Variants in USP15 observed in about 807,000 individuals in gnomAD.
USP15 encodes ubiquitin carboxyl-terminal hydrolase 15.
Under a neutral mutation model 127.1 loss-of-function variants are expected in USP15, and 18 were observed. That is an observed-to-expected ratio of 0.14 (90% CI 0.10 to 0.21). The LOEUF (loss-of-function observed/expected upper bound fraction) is 0.21. USP15 is among the 10% of genes least tolerant of loss of function. The pLI, the probability that USP15 is intolerant of heterozygous loss-of-function variation, is 1.00. For synonymous variants in USP15, 364 were observed against 393.7 expected (o/e 0.92, Z 0.89); for missense variants, 805 against 1,159.9 (o/e 0.69, Z 4.44).
At chr12:62,293,383 GTCTC>G (rs937712554) in intron 1 of USP15, among the ~76,000 whole-genome samples, 1 of 152,176 alleles carries the variant, frequency 6.6e-6, no homozygotes, top group Non-Finnish European at 1.5e-5. Flanking sequence ...TTGAGACCGA[GTCTC>G]TCTCTGTCGC....
chr12:62,304,599 C>G (rs2064419066), intron 3 of USP15: 1 of 372,056 alleles, frequency 2.7e-6, no homozygotes, highest in Non-Finnish European at 5.4e-6. Context: ...TTGGTGGTTC[C>G]CCTAGCTATA....
chr12:62,352,526 A>G (rs1187472007), intron 7 of USP15, among the ~76,000 whole-genome samples: 1 of 151,952 alleles, frequency 6.6e-6, no homozygotes, highest in Non-Finnish European at 1.5e-5. Flanking sequence ...TATTGTCTCA[A>G]TTTGACATTC....
chr12:62,287,254 C>G (rs1487704845), intron 1 of USP15, among the ~76,000 whole-genome samples: 2 of 152,048 alleles, frequency 1.3e-5, no homozygotes, highest in Non-Finnish European at 2.9e-5. Context: ...CATTAGAAGC[C>G]GAAACCTCAG....
chr12:62,273,692 T>C (rs969089882), intron 1 of USP15, among the ~76,000 whole-genome samples: 3 of 152,124 alleles, frequency 2.0e-5, no homozygotes, highest in African/African-American at 7.2e-5. Flanking sequence ...TCTAGGAAAC[T>C]TCTTCAGAGA....
chr12:62,348,454 C>T (rs1030046826), intron 6 of USP15, among the ~76,000 whole-genome samples: 1 of 152,142 alleles, frequency 6.6e-6, no homozygotes, highest in Non-Finnish European at 1.5e-5. Flanking sequence ...GACTGAGTCA[C>T]TGGACTGAAG....
In USP15 at chr12:62,391,905, A is replaced by G. The variant is rs758504570; in HGVS notation, c.2304+19A>G. ...TGCTGAGGTAAGTCATCACTCACTC[A>G]CTTATTTACCTTTCCTTGATTTACT... On this transcript the variant is annotated intron_variant, in intron 17 of 21. Transcript: ENST00000280377. 10 of 1,592,282 alleles carry G rather than the reference A, an allele frequency of 6.3e-6. No homozygotes were observed. The highest frequency in any genetic ancestry group is 8.6e-6 in the Non-Finnish European group (10 of 1,165,856).
intron 3 of USP15, chr12:62,314,039 A>G (rs917243149): frequency 2.2e-6 from 2 of 896,116 alleles, no homozygotes. Context: ...TAGAAGATCG[A>G]AAGGAATTAT....
chr12:62,346,043 G>A (rs532453136), intron 6 of USP15, among the ~76,000 whole-genome samples: 12 of 152,244 alleles, frequency 7.9e-5, no homozygotes, highest in African/African-American at 1.7e-4. Context: ...ATAACCACAC[G>A]TAGTCGTTTC....
At chr12:62,313,185 C>T (rs903163188) in intron 3 of USP15, among the ~76,000 whole-genome samples, 8 of 151,474 alleles carry the variant, frequency 5.3e-5, no homozygotes, top group Non-Finnish European at 1.0e-4. Flanking sequence ...GTAGTGTGGA[C>T]TTTGAAATAT....
rs1422711286 is a variant in USP15 at position 62,355,369 on chromosome 12, C to A, written c.809C>A (p.Ala270Asp). 1 of 1,610,754 alleles carries A rather than the reference C, an allele frequency of 6.2e-7. No homozygotes were observed. ...NSNYCLPSYT[A>D]YKNYDYSEPG... The stretch of plus-strand genomic sequence containing the variant: ...AATTACTGTCTTCCATCATATACCG[C>A]TTATAAGAACTATGATTATTCGGAA... The change falls in exon 8 of 22, where the codon GCT becomes GAT. Residue 270 changes from alanine (A) to aspartate (D), a missense_variant. Transcript: ENST00000280377.
At chr12:62,295,970 A>G (rs1388745585) in intron 2 of USP15, among the ~76,000 whole-genome samples, 1 of 151,920 alleles carries the variant, frequency 6.6e-6, no homozygotes, top group Non-Finnish European at 1.5e-5. Context: ...TAATCTAATC[A>G]CACATACCCT....
At chr12:62,362,876 CAT>C (rs1011659725) in intron 8 of USP15, among the ~76,000 whole-genome samples, 1 of 152,072 alleles carries the variant, frequency 6.6e-6, no homozygotes, top group Non-Finnish European at 1.5e-5. Context: ...AGCTGGGTGT[CAT>C]ATTTACGAAA....
chr12:62,329,536 G>C (rs1043535805), intron 6 of USP15, among the ~76,000 whole-genome samples: 12 of 151,988 alleles, frequency 7.9e-5, no homozygotes, highest in African/African-American at 2.7e-4. Flanking sequence ...GTCAGCTTTG[G>C]AACTTTTAAA....
intron 8 of USP15, among the ~76,000 whole-genome samples, chr12:62,358,078 G>A (rs1477470474): frequency 6.6e-6 from 1 of 151,666 alleles, no homozygotes; most frequent in East Asian, 1.9e-4. Flanking sequence ...GAATTTTAAT[G>A]TAACCTCTTA....
intron 8 of USP15, among the ~76,000 whole-genome samples, chr12:62,379,938 G>A (rs1356398326): frequency 6.6e-6 from 1 of 152,006 alleles, no homozygotes; most frequent in African/African-American, 2.4e-5. Flanking sequence ...GATTATGAGA[G>A]AGGTTGAGAT....
chr12:62,326,622 A>G (rs1481422336), intron 6 of USP15, among the ~76,000 whole-genome samples: 1 of 152,238 alleles, frequency 6.6e-6, no homozygotes, highest in Non-Finnish European at 1.5e-5. Flanking sequence ...AATAAGGACT[A>G]TAAATAGCAT....
intron 9 of USP15, 149 bp from the exon 10 acceptor site, chr12:62,383,691 C>T (rs970473559): frequency 8.2e-6 from 8 of 972,284 alleles, no homozygotes; most frequent in African/African-American, 1.7e-5. Context: ...TACAAATGAC[C>T]ATGAATTGAT....
At chr12:62,308,032 C>A (rs998659841) in intron 3 of USP15, among the ~76,000 whole-genome samples, 1 of 151,984 alleles carries the variant, frequency 6.6e-6, no homozygotes, top group Non-Finnish European at 1.5e-5. Flanking sequence ...ATAAATTAAA[C>A]TTCGTCATAG....
At chr12:62,313,577 C>T (rs572609105) in intron 3 of USP15, among the ~76,000 whole-genome samples, 1 of 151,786 alleles carries the variant, frequency 6.6e-6, no homozygotes, top group South Asian at 2.1e-4. Context: ...TGTTTCTCTA[C>T]TTAAATATAA....
Sources: allele counts gnomAD v4.1 joint callset (sites outside exome capture counted in the v4.1 genomes callset), GRCh38; gene constraint gnomAD v4.1.1; transcripts MANE v1.5; gene names NCBI Gene and HGNC (gene_info 2026-07-23, HGNC 2026-07-21).